Variants in ARID5B observed in about 807,000 individuals in gnomAD.
ARID5B encodes the protein AT-rich interaction domain 5B.
In ARID5B, 13 loss-of-function variants were observed where a neutral mutation model predicts 97.2. The ratio of observed to expected loss-of-function variants is 0.13; its 90% CI spans 0.09 to 0.21. The LOEUF (loss-of-function observed/expected upper bound fraction) is 0.21. Ranked by LOEUF, ARID5B falls within the 10% of genes least tolerant of loss-of-function variation. The pLI is 1.00. For synonymous variants in ARID5B, 556 were observed against 570.3 expected (o/e 0.97, Z 0.36); for missense variants, 1,210 against 1,465.3 (o/e 0.83, Z 2.84).
At chr10:61,970,262 A>G (rs1054482576) in intron 3 of ARID5B, among the ~76,000 whole-genome samples, 2 of 152,258 alleles carry the variant, frequency 1.3e-5, no homozygotes, top group Non-Finnish European at 2.9e-5. Flanking sequence ...CGTTCATTGT[A>G]TAATTGTTTT....
At chr10:62,052,309 T>C (rs572906915) in intron 5 of ARID5B, among the ~76,000 whole-genome samples, 3 of 152,340 alleles carry the variant, frequency 2.0e-5, no homozygotes, top group South Asian at 2.1e-4. Context: ...ACCTAGGACT[T>C]TGGTTTCCAT....
rs1490566120 is a variant in ARID5B at position 62,091,703 on chromosome 10, G to C, written c.2240G>C (p.Ser747Thr). The C allele has an allele frequency of 6.2e-7, 1 of 1,614,022 alleles. No individual in the cohort carries two copies. The highest frequency in any genetic ancestry group is 1.1e-5 in the South Asian group (1 of 91,084). Residue 747 changes from serine to threonine, a missense_variant, in exon 10 of 10, where the codon AGC (serine) becomes ACC (threonine). Physicochemically the swap from Ser to Thr is moderately conservative, Grantham distance 58. This residue lies in a region of ARID5B where 800 missense variants were observed against 839.1 expected (regional missense o/e 0.95). Transcript: ENST00000279873. ...HGQSTDHMAV[S>T]RPSVIQHVQS... ...CAAAGCACTGACCATATGGCGGTCAGCCGGCCATCAGTGATTCAGCACGTC... is the reference window on the plus strand; with the variant it reads ...CAAAGCACTGACCATATGGCGGTCACCCGGCCATCAGTGATTCAGCACGTC...
intron 3 of ARID5B, among the ~76,000 whole-genome samples, chr10:61,977,986 G>GT (rs766895073): frequency 5.9e-5 from 9 of 152,160 alleles, no homozygotes; most frequent in Non-Finnish European, 1.2e-4. Context: ...GGTTTTTATG[G>GT]TTTTAGGTCT....
chr10:61,993,975 T>TA lies in ARID5B; in HGVS notation c.503-6106dup, dbSNP rs1006088847. On this transcript the variant is annotated intron_variant, in intron 3 of 9. Transcript: ENST00000279873. ...AACGTGAGCACATTCATATTTCCTT[T>TA]AAAAAAAAAAGGAGAAAGAAAACTG... 4.1e-3 allele frequency among the ~76,000 whole-genome samples: 603 copies of TA among 148,160 alleles called. 3 individuals carry two copies. The highest frequency in any genetic ancestry group is 0.012 in the South Asian group (55 of 4,708).
chr10:62,062,779 CAAAAAAA>C (rs55969343), intron 7 of ARID5B, among the ~76,000 whole-genome samples: 2 of 86,164 alleles, frequency 2.3e-5, no homozygotes, highest in Admixed American at 1.3e-4. Flanking sequence ...GGCCTTTGTG[CAAAAAAA>C]AAAAAAAAAA....
chr10:61,974,069 A>G (rs913491159), intron 3 of ARID5B, among the ~76,000 whole-genome samples: 1 of 152,220 alleles, frequency 6.6e-6, no homozygotes, highest in Non-Finnish European at 1.5e-5. Flanking sequence ...TCTTTAACAT[A>G]TAAGAACACA....
At chr10:62,040,283 A>T (rs1427432704) in intron 4 of ARID5B, among the ~76,000 whole-genome samples, 8 of 152,274 alleles carry the variant, frequency 5.3e-5, no homozygotes, top group South Asian at 4.1e-4. Context: ...ACCAGATTTG[A>T]ATTTTACAGA....
At chr10:62,065,350 T>G (rs983192141) in intron 7 of ARID5B, among the ~76,000 whole-genome samples, 2 of 152,152 alleles carry the variant, frequency 1.3e-5, no homozygotes, top group Non-Finnish European at 2.9e-5. Flanking sequence ...TAACATCTCT[T>G]TCTTTTCGTG....
At chr10:62,029,063 C>A (rs553040945) in intron 4 of ARID5B, among the ~76,000 whole-genome samples, 1 of 152,098 alleles carries the variant, frequency 6.6e-6, no homozygotes, top group Non-Finnish European at 1.5e-5. Context: ...GAGATCTGCT[C>A]GCCTCCATCT....
intron 4 of ARID5B, among the ~76,000 whole-genome samples, chr10:62,008,803 T>A (rs1168396116): frequency 2.6e-5 from 4 of 152,238 alleles, no homozygotes; most frequent in African/African-American, 9.6e-5. Context: ...GATAGTGAAC[T>A]GCTCTGTGTT....
chr10:61,920,466 G>A (rs1843994495), intron 2 of ARID5B, among the ~76,000 whole-genome samples: 1 of 151,962 alleles, frequency 6.6e-6, no homozygotes, highest in Admixed American at 6.6e-5. Flanking sequence ...CTGAGTAGCT[G>A]GGATTACAGG....
chr10:62,024,816 T>C (rs1839399737), intron 4 of ARID5B: 2 of 377,140 alleles, frequency 5.3e-6, no homozygotes, highest in Non-Finnish European at 9.5e-6. Flanking sequence ...TTGTTATTCT[T>C]TTCGGGTTCT....
In ARID5B at chr10:62,091,808, A is replaced by G. The variant is rs1243162412; in HGVS notation, c.2345A>G (p.Asp782Gly). ...IFKHEKLSRS[D>G]PHRCSFSKHH... ...AAGCATGAGAAACTGAGTCGATCAG[A>G]TCCCCACCGCTGCAGCTTCTCCAAG... Residue 782 changes from aspartate to glycine, a missense_variant, in exon 10 of 10, where the codon GAT becomes GGT. Asp to Gly is a moderately conservative substitution (Grantham distance 94, BLOSUM62 -1). This residue lies in a region of ARID5B where 800 missense variants were observed against 839.1 expected (regional missense o/e 0.95). Coordinates refer to ENST00000279873, the MANE Select transcript of ARID5B (RefSeq NM_032199.3). 6.2e-7 allele frequency: 1 copy of G among 1,614,096 alleles called. No homozygotes were observed.
chr10:61,945,583 T>C (rs995233493), intron 3 of ARID5B, among the ~76,000 whole-genome samples: 1 of 152,220 alleles, frequency 6.6e-6, no homozygotes, highest in African/African-American at 2.4e-5. Context: ...CCATTTTCCA[T>C]AACACTGCAA....
intron 5 of ARID5B, among the ~76,000 whole-genome samples, chr10:62,056,323 T>G (rs1177217067): frequency 6.6e-6 from 1 of 152,204 alleles, no homozygotes; most frequent in Non-Finnish European, 1.5e-5. Flanking sequence ...TGTGGCAAGT[T>G]AACATCTTAT....
At chr10:61,941,402 C>T (rs906493228) in intron 3 of ARID5B, among the ~76,000 whole-genome samples, 2 of 151,618 alleles carry the variant, frequency 1.3e-5, no homozygotes, top group Non-Finnish European at 1.5e-5. Context: ...TAGTTATTTC[C>T]TCTTTAGGCA....
At chr10:62,003,946 C>T (rs975202194) in intron 4 of ARID5B, among the ~76,000 whole-genome samples, 1 of 152,064 alleles carries the variant, frequency 6.6e-6, no homozygotes, top group African/African-American at 2.4e-5. Context: ...TAAATAAATT[C>T]TCTGTGGAAT....
At chr10:61,915,384 T>A (rs917936301) in intron 2 of ARID5B, among the ~76,000 whole-genome samples, 4 of 152,180 alleles carry the variant, frequency 2.6e-5, no homozygotes, top group Admixed American at 6.5e-5. Context: ...AGTGCCTATG[T>A]CAGGGGTACA....
chr10:61,929,007 G>C (rs1468471900), intron 2 of ARID5B, among the ~76,000 whole-genome samples: 1 of 152,068 alleles, frequency 6.6e-6, no homozygotes, highest in Non-Finnish European at 1.5e-5. Context: ...CCCCCTACCC[G>C]TCTCCATTGG....
Sources: allele counts gnomAD v4.1 joint callset (sites outside exome capture counted in the v4.1 genomes callset), GRCh38; gene constraint gnomAD v4.1.1; regional missense constraint gnomAD v4.1.1; transcripts MANE v1.5; gene names NCBI Gene and HGNC (gene_info 2026-07-23, HGNC 2026-07-21).